UNC5A: variants seen among roughly 807,000 people sequenced by gnomAD.
UNC5A encodes the protein netrin receptor UNC5A.
UNC5A carries 20 observed loss-of-function variants against 87.4 expected under a neutral mutation model. That is an observed-to-expected ratio of 0.23 (90% CI 0.16 to 0.33). The LOEUF is 0.33. UNC5A is among the 10% of genes least tolerant of loss of function. The pLI is 1.00. For missense variants in UNC5A, 844 were observed against 1,133.4 expected (o/e 0.74, Z 3.67); for synonymous variants, 438 against 482.3 (o/e 0.91, Z 1.20).
At chr5:176,872,228 A>C (rs76841230) in intron 6 of UNC5A, among the ~76,000 whole-genome samples, 26 of 17,302 alleles carry the variant, frequency 1.5e-3, no homozygotes, top group South Asian at 5.3e-3. Context: ...CCACAGCTTC[A>C]CATCTGCCCA....
At chr5:176,862,466 TG>T (rs1757864403) in intron 1 of UNC5A, among the ~76,000 whole-genome samples, 157 bp from the exon 2 acceptor site, 1 of 152,148 alleles carries the variant, frequency 6.6e-6, no homozygotes, top group African/African-American at 2.4e-5. Context: ...GGGTGGGGGA[TG>T]GTCATTGGCC....
chr5:176,875,611 C>G lies in UNC5A; in HGVS notation c.1378+1045C>G, dbSNP rs982260864. The stretch of plus-strand genomic sequence containing the variant: ...TGCTGTAAAACTTCACCAAATGAAG[C>G]CAGAGTTGATCATGACCCTCTCGTG... On this transcript the variant is annotated intron_variant, in intron 8 of 14. Transcript: ENST00000329542. The surrounding 1 kb of genome is among the most constrained non-coding windows in gnomAD (Gnocchi z 5.2). Among the ~76,000 whole-genome samples, 1 of 152,188 alleles carries G rather than the reference C, an allele frequency of 6.6e-6. No individual in the cohort carries two copies. The highest frequency in any genetic ancestry group is 2.4e-5 in the African/African-American group (1 of 41,454).
chr5:176,874,078 G>A lies in UNC5A; in HGVS notation c.997G>A (p.Gly333Arg), dbSNP rs1157448811. 6.2e-7 allele frequency: 1 copy of A among 1,614,048 alleles called. No homozygotes were observed. Among genetic ancestry groups the A allele is most frequent in the Non-Finnish European group, 8.5e-7 (1 of 1,179,976 alleles). The change falls in exon 7 of 15, where the codon GGG (glycine) becomes AGG (arginine). Residue 333 changes from glycine to arginine, a missense_variant. Gly to Arg is a moderately radical substitution (Grantham distance 125, BLOSUM62 -2). Coordinates refer to ENST00000329542, the MANE Select transcript of UNC5A (RefSeq NM_133369.3). The surrounding 1 kb of genome is among the most constrained non-coding windows in gnomAD (Gnocchi z 7.6). ...CCTCGTTTATTGCCGGAAGAAGGAG[G>A]GGCTGGACTCAGATGTGGCTGACTC... Reference protein sequence around the residue: ...LILVYCRKKEGLDSDVADSSI... With the variant: ...LILVYCRKKERLDSDVADSSI...
chr5:176,868,386 G>T, intron 3 of UNC5A, 113 bp downstream of exon 3: 2 of 1,531,486 alleles, frequency 1.3e-6, no homozygotes, highest in Non-Finnish European at 1.8e-6. Flanking sequence ...TCACAGCCCT[G>T]CCTGGATGAG....
chr5:176,815,316 C>T (rs1254070403), intron 1 of UNC5A, among the ~76,000 whole-genome samples: 2 of 152,186 alleles, frequency 1.3e-5, no homozygotes, highest in African/African-American at 2.4e-5. Context: ...TCCACCAGCC[C>T]ACCCCTTCGT....
chr5:176,847,335 A>C (rs1172803383), intron 1 of UNC5A, among the ~76,000 whole-genome samples: 1 of 152,168 alleles, frequency 6.6e-6, no homozygotes. Context: ...GTGCACACGC[A>C]TGTGGTCCGG....
At chr5:176,871,830 C>T (rs1284301753) in intron 6 of UNC5A, among the ~76,000 whole-genome samples, 64 of 61,464 alleles carry the variant, frequency 1.0e-3, no homozygotes, top group African/African-American at 2.8e-3. Context: ...CATCTGCCCA[C>T]ACTCGCCCCA....
Position 176,874,429 on chromosome 5 carries a change from C to T in UNC5A, c.1241C>T (p.Ser414Phe), listed in dbSNP as rs889510004. 3 of 1,613,324 alleles carry T rather than the reference C, an allele frequency of 1.9e-6. No homozygotes were observed. The highest frequency in any genetic ancestry group is 2.5e-6 in the Non-Finnish European group (3 of 1,179,866). The change falls in exon 8 of 15, where the codon TCT (serine) becomes TTT (phenylalanine). Residue 414 changes from serine (S) to phenylalanine (F), a missense_variant. Physicochemically the swap from Ser to Phe is radical, Grantham distance 155. Around this residue, in one of 3 missense-constraint regions of UNC5A, gnomAD observed 353 missense variants for 387.5 expected, o/e 0.91. Transcript: ENST00000329542. The surrounding 1 kb of genome is among the most constrained non-coding windows in gnomAD (Gnocchi z 7.6). The stretch of plus-strand genomic sequence containing the variant: ...GGCCGCCACACACTGCACCACAGCT[C>T]TCCCACCTCTGAGGCCGAGGAGTTC... ...GGGRHTLHHS[S>F]PTSEAEEFVS...
At position 176,812,604 on chromosome 5, in the gene UNC5A, G is replaced by T. The variant is rs562225807; in HGVS notation, c.70+1784G>T. ...AGGGTGCTGCGGCCTGGAGCGGGGG[G>T]TTGCCACAGGGACTCCTCAGGAGGC... On this transcript the variant is annotated intron_variant, in intron 1 of 14. Transcript: ENST00000329542. Among the ~76,000 whole-genome samples the T allele has an allele frequency of 3.3e-5, 5 of 152,272 alleles. No individual in the cohort carries two copies. In the East Asian group the frequency reaches 7.7e-4, roughly 24 times the overall value.
chr5:176,831,807 C>T (rs150920476), intron 1 of UNC5A, among the ~76,000 whole-genome samples: 3 of 152,184 alleles, frequency 2.0e-5, no homozygotes, highest in Admixed American at 6.5e-5. Flanking sequence ...TTCCCAAAGC[C>T]CACTCAAGCT....
Position 176,852,720 on chromosome 5 carries a change from C to G in UNC5A, c.71-9904C>G, listed in dbSNP as rs7705678. Among the ~76,000 whole-genome samples, 4 of 152,356 alleles carry G rather than the reference C, an allele frequency of 2.6e-5. No homozygotes were observed. In the East Asian group the frequency reaches 7.7e-4, roughly 29 times the overall value. ...CGTCCCCCCATCACAGCACTCCCCCCGGGAGTTTCTGAGTTCCCTTTGCGG... is the reference window on the plus strand; with the variant it reads ...CGTCCCCCCATCACAGCACTCCCCCGGGGAGTTTCTGAGTTCCCTTTGCGG... On this transcript the variant is annotated intron_variant, in intron 1 of 14. Coordinates refer to ENST00000329542, the MANE Select transcript of UNC5A (RefSeq NM_133369.3).
chr5:176,877,265 G>T lies in UNC5A; in HGVS notation c.1452G>T (p.Lys484Asn). 1 of 1,612,426 alleles carries T rather than the reference G, an allele frequency of 6.2e-7. No homozygotes were observed. The highest frequency in any genetic ancestry group is 1.1e-5 in the South Asian group (1 of 91,080). The change falls in exon 9 of 15, where the codon AAG (lysine) becomes AAT (asparagine). Residue 484 changes from lysine (K) to asparagine (N), a missense_variant. Physicochemically the swap from Lys to Asn is moderately conservative, Grantham distance 94. Transcript: ENST00000329542. ...ATGAGATCTACCTCACGCTGCACAA[G>T]CCGGAAGACGTGAGGTGTGGCCGCG... ...KIYEIYLTLH[K>N]PEDVRLPLAG...
intron 6 of UNC5A, among the ~76,000 whole-genome samples, chr5:176,873,414 T>C (rs903027614): frequency 2.6e-5 from 4 of 152,188 alleles, no homozygotes; most frequent in Non-Finnish European, 5.9e-5. Flanking sequence ...ATTTCTTCCA[T>C]TTATGCAAAA....
At chr5:176,868,725 G>C (rs1274160378) in intron 4 of UNC5A, 59 bp from the exon 5 acceptor site, 3 of 1,586,704 alleles carry the variant, frequency 1.9e-6, no homozygotes, top group Non-Finnish European at 2.6e-6. Context: ...CCCTGGCAGG[G>C]GCCACTCTGG....
chr5:176,829,889 T>TTTTTTTTTTTTTTTG, intron 1 of UNC5A, among the ~76,000 whole-genome samples: 1 of 143,104 alleles, frequency 7.0e-6, no homozygotes, highest in Non-Finnish European at 1.5e-5. Flanking sequence ...TCCTTTTTTT[T>TTTTTTTTTTTTTTTG]TTTGAGATGG....
chr5:176,845,751 C>T (rs555120199), intron 1 of UNC5A, among the ~76,000 whole-genome samples: 13 of 152,330 alleles, frequency 8.5e-5, no homozygotes, highest in Middle Eastern at 3.4e-3. Flanking sequence ...TCACTAGGCA[C>T]TACAGTGCAA....
chr5:176,870,480 T>C lies in UNC5A; in HGVS notation c.832T>C (p.Cys278Arg). The C allele has an allele frequency of 6.2e-7, 1 of 1,609,566 alleles. No homozygotes were observed. Among genetic ancestry groups the C allele is most frequent in the Non-Finnish European group, 8.5e-7 (1 of 1,177,740 alleles). The change falls in exon 6 of 15, where the codon TGC becomes CGC. Residue 278 changes from cysteine to arginine, a missense_variant. Coordinates refer to ENST00000329542, the MANE Select transcript of UNC5A (RefSeq NM_133369.3). ...AGCACCCCGCAACGGAGGGGAGGAG[T>C]GCCAGGGCACTGACCTGGACACCCG... is the stretch of plus-strand genomic sequence containing the variant. ...DPAPRNGGEE[C>R]QGTDLDTRNC... is the part of the protein sequence containing the mutation.
rs759610549 is a variant in UNC5A, at chr5:176,879,443, G to A, written c.2318G>A (p.Arg773Gln). ...IISSLDPPCR[R>Q]GADWRTLAQK... is the part of the protein sequence containing the mutation. ...TCCAGCCTGGACCCACCCTGTAGGC[G>A]GGGTGCCGACTGGCGGACTCTGGCC... The change falls in exon 14 of 15, where the codon CGG becomes CAG. Residue 773 changes from arginine (R) to glutamine (Q), a missense_variant. By Grantham distance (43) the Arg-to-Gln change is conservative (BLOSUM62 1). This residue lies in a region of UNC5A where 177 missense variants were observed against 279.4 expected (regional missense o/e 0.63). Coordinates refer to ENST00000329542, the MANE Select transcript of UNC5A (RefSeq NM_133369.3). The A allele has an allele frequency of 3.3e-5, 54 of 1,612,246 alleles. No individual in the cohort carries two copies. Among genetic ancestry groups the A allele is most frequent in the Non-Finnish European group, 4.2e-5 (49 of 1,179,700 alleles).
At chr5:176,830,663 C>T (rs1421866192) in intron 1 of UNC5A, among the ~76,000 whole-genome samples, 2 of 101,284 alleles carry the variant, frequency 2.0e-5, no homozygotes, top group East Asian at 3.2e-4. Context: ...TGTGTGTGTG[C>T]TGGTGTGTGT....
Sources: allele counts gnomAD v4.1 joint callset (sites outside exome capture counted in the v4.1 genomes callset), GRCh38; gene constraint gnomAD v4.1.1; regional missense constraint gnomAD v4.1.1; non-coding constraint Gnocchi (gnomAD v3.1); transcripts MANE v1.5; gene names NCBI Gene and HGNC (gene_info 2026-07-23, HGNC 2026-07-21).